Variants in IGSF10 observed in about 807,000 individuals in gnomAD.
The protein encoded by IGSF10 is calvaria mechanical force protein 608.
IGSF10 carries 126 observed loss-of-function variants against 128.2 expected under a neutral mutation model. The ratio of observed to expected loss-of-function variants is 0.98; its 90% CI spans 0.85 to 1.14. IGSF10 has a LOEUF of 1.14. Ranked by LOEUF, IGSF10 falls within the 50% of genes most tolerant of loss-of-function variation. The probability of loss-of-function intolerance (pLI) is 0.00; values close to 1 mark genes in which losing one functional copy is unlikely to be tolerated. For missense variants in IGSF10, 3,295 were observed against 3,149.8 expected (o/e 1.05, Z -1.10); for synonymous variants, 1,185 against 1,146.2 (o/e 1.03, Z -0.68).
Position 151,448,061 on chromosome 3 carries a change from T to C in IGSF10, c.1920A>G (p.Gln640=), listed in dbSNP as rs1721304586. 6.2e-7 allele frequency: 1 copy of C among 1,614,192 alleles called. No homozygotes were observed. Among genetic ancestry groups the C allele is most frequent in the South Asian group, 1.1e-5 (1 of 91,082 alleles). The change falls in exon 6 of 8, where the codon CAA becomes CAG. Residue 640 remains glutamine (Q), a synonymous_variant. Transcript: ENST00000282466. ...TGGCTGCCACACAGCGATAATAACC[T>C]TGGTCTTTCGGGGTGACCTGTAATA... The part of the protein sequence containing the change: ...LRILQVTPKD[Q]GYYRCVAANP...
At chr3:151,503,532 G>T in the IGSF10 span, among the ~76,000 whole-genome samples, 5 of 152,050 alleles carry the variant, frequency 3.3e-5, no homozygotes, top group Non-Finnish European at 7.4e-5. Context: ...TAAACTAAGA[G>T]ATATATTAGA....
chr3:151,449,264 A>T lies in IGSF10; in HGVS notation c.717T>A (p.Asp239Glu). Residue 239 changes from aspartate (D) to glutamate (E), a missense_variant and splice_region_variant, in exon 6 of 8, where the codon GAT becomes GAA. Asp to Glu is a conservative substitution (Grantham distance 45). Transcript: ENST00000282466. ...TTCTATCTTTTTTGCATTTTATTAC[A>T]TCTGGAAAAAAATCACAATTGAATT... The part of the protein sequence containing the change: ...WLSDWIQEKP[D>E]VIKCKKDRSP... The T allele has an allele frequency of 6.4e-7, 1 of 1,563,202 alleles. No homozygotes were observed. The highest frequency in any genetic ancestry group is 1.4e-5 in the African/African-American group (1 of 72,764).
intron 5 of IGSF10, among the ~76,000 whole-genome samples, chr3:151,453,095 C>G (rs1721588829): frequency 6.6e-6 from 1 of 151,996 alleles, no homozygotes; most frequent in South Asian, 2.1e-4. Flanking sequence ...TGGCTTGTAG[C>G]CTAAGGAGCA....
chr3:151,601,695 T>C, the IGSF10 span, among the ~76,000 whole-genome samples: 1 of 152,200 alleles, frequency 6.6e-6, no homozygotes, highest in East Asian at 1.9e-4. Flanking sequence ...TTGTGATTCT[T>C]TCTGTCAATA....
At chr3:151,474,318 C>A in the IGSF10 span, among the ~76,000 whole-genome samples, 1 of 152,102 alleles carries the variant, frequency 6.6e-6, no homozygotes, top group African/African-American at 2.4e-5. Flanking sequence ...CTACCAAATA[C>A]CTTAAAGAAA....
chr3:151,589,679 C>A, the IGSF10 span, among the ~76,000 whole-genome samples: 1 of 152,064 alleles, frequency 6.6e-6, no homozygotes, highest in Admixed American at 6.5e-5. Flanking sequence ...TTATGTCATG[C>A]CAACTAGAAA....
the IGSF10 span, among the ~76,000 whole-genome samples, chr3:151,613,728 G>T: frequency 5.3e-5 from 8 of 152,308 alleles, no homozygotes; most frequent in African/African-American, 1.9e-4. Flanking sequence ...AACCCTAGAA[G>T]AAAACTTAGG....
chr3:151,589,706 G>A, the IGSF10 span, among the ~76,000 whole-genome samples: 28 of 152,230 alleles, frequency 1.8e-4, no homozygotes, highest in East Asian at 5.2e-3. Flanking sequence ...TTTTTGATGG[G>A]AAAACCACTG....
intron 5 of IGSF10, among the ~76,000 whole-genome samples, chr3:151,452,839 C>A (rs1227658451): frequency 6.6e-6 from 1 of 151,866 alleles, no homozygotes; most frequent in Non-Finnish European, 1.5e-5. Flanking sequence ...GGAGAAGCAG[C>A]CAGACTTCTC....
the IGSF10 span, among the ~76,000 whole-genome samples, chr3:151,511,647 T>C: frequency 0.021 from 3,130 of 152,116 alleles, 105 homozygotes; most frequent in African/African-American, 0.071. Flanking sequence ...GGCTAAATGC[T>C]CCAATTAAAA....
At chr3:151,592,735 T>G in the IGSF10 span, among the ~76,000 whole-genome samples, 4 of 152,196 alleles carry the variant, frequency 2.6e-5, no homozygotes, top group African/African-American at 9.6e-5. Flanking sequence ...GAGAGACCTA[T>G]AAATTTAAAG....
chr3:151,558,028 T>TAA, the IGSF10 span, among the ~76,000 whole-genome samples: 69 of 10,088 alleles, frequency 6.8e-3, 2 homozygotes, highest in Non-Finnish European at 9.1e-3. Context: ...AATATATATA[T>TAA]TGGTACAATA....
the IGSF10 span, among the ~76,000 whole-genome samples, chr3:151,472,295 T>C: frequency 6.6e-6 from 1 of 152,192 alleles, no homozygotes; most frequent in African/African-American, 2.4e-5. Context: ...ATAGTTTGCA[T>C]GTTTTCTGGT....
At chr3:151,469,422 A>C in the IGSF10 span, among the ~76,000 whole-genome samples, 3 of 151,986 alleles carry the variant, frequency 2.0e-5, no homozygotes, top group Non-Finnish European at 4.4e-5. Flanking sequence ...GGCCCTTTTC[A>C]GAAAAATATA....
chr3:151,516,531 T>G, the IGSF10 span, among the ~76,000 whole-genome samples: 1 of 152,108 alleles, frequency 6.6e-6, no homozygotes, highest in Non-Finnish European at 1.5e-5. Context: ...GAAATTTTAA[T>G]GGCACGGACG....
the IGSF10 span, among the ~76,000 whole-genome samples, chr3:151,518,051 T>C: frequency 6.6e-6 from 1 of 151,980 alleles, no homozygotes; most frequent in African/African-American, 2.4e-5. Context: ...ATTGAGAGGA[T>C]GACCAAAAGG....
chr3:151,445,418 C>A lies in IGSF10; in HGVS notation c.4563G>T (p.Glu1521Asp). ...HNAKPQQLVA[E>D]VATSPKVHPN... Reference sequence around the variant, plus strand: ...GGTGAACCTTGGGGGATGTTGCAACCTCTGCTACTAATTGCTGTGGTTTAG... The same window carrying A: ...GGTGAACCTTGGGGGATGTTGCAACATCTGCTACTAATTGCTGTGGTTTAG... The change falls in exon 6 of 8, where the codon GAG becomes GAT. Residue 1521 changes from glutamate to aspartate, a missense_variant. Glu to Asp is a conservative substitution (Grantham distance 45). Coordinates refer to ENST00000282466, the MANE Select transcript of IGSF10 (RefSeq NM_178822.5). 1 of 1,614,184 alleles carries A rather than the reference C, an allele frequency of 6.2e-7. No homozygotes were observed. The highest frequency in any genetic ancestry group is 8.5e-7 in the Non-Finnish European group (1 of 1,180,030).
At chr3:151,571,294 G>A in the IGSF10 span, among the ~76,000 whole-genome samples, 1 of 152,100 alleles carries the variant, frequency 6.6e-6, no homozygotes, top group Non-Finnish European at 1.5e-5. Flanking sequence ...TGATGGGGAT[G>A]GCATTGAATC....
the IGSF10 span, among the ~76,000 whole-genome samples, chr3:151,471,776 A>C: frequency 6.6e-6 from 1 of 152,216 alleles, no homozygotes; most frequent in Non-Finnish European, 1.5e-5. Context: ...ACTGAACTTG[A>C]AAGTCAGGAT....
Sources: gnomAD v4.1 joint callset for allele counts (sites outside exome capture counted in the v4.1 genomes callset) on GRCh38, gnomAD v4.1.1 for gene constraint, MANE v1.5 for transcripts, NCBI Gene and HGNC (gene_info 2026-07-23, HGNC 2026-07-21) for gene names.